GALNT13: variants seen among roughly 807,000 people sequenced by gnomAD.
GALNT13 encodes polypeptide N-acetylgalactosaminyltransferase 13.
In GALNT13, 28 loss-of-function variants were observed where a neutral mutation model predicts 64.2. The ratio of observed to expected loss-of-function variants is 0.44; its 90% CI spans 0.32 to 0.60. The LOEUF (loss-of-function observed/expected upper bound fraction) is 0.60. Among genes scored for constraint, GALNT13 ranks in the 20% least tolerant of loss-of-function variants. The pLI is 0.05. For missense variants in GALNT13, 577 were observed against 669.8 expected (o/e 0.86, Z 1.53); for synonymous variants, 214 against 224.6 (o/e 0.95, Z 0.42).
chr2:154,108,909 G>A (rs1053446480), intron 3 of GALNT13, among the ~76,000 whole-genome samples: 2 of 151,980 alleles, frequency 1.3e-5, no homozygotes, highest in African/African-American at 4.8e-5. Flanking sequence ...ACGTGTGTGG[G>A]TTCATTTCTG....
the GALNT13 span, among the ~76,000 whole-genome samples, chr2:153,629,715 A>G: frequency 6.6e-6 from 1 of 151,676 alleles, no homozygotes; most frequent in Non-Finnish European, 1.5e-5. Flanking sequence ...CAGACAACCT[A>G]CAGAATGGGA....
At chr2:153,178,602 A>C in the GALNT13 span, among the ~76,000 whole-genome samples, 1 of 151,920 alleles carries the variant, frequency 6.6e-6, no homozygotes, top group Non-Finnish European at 1.5e-5. Flanking sequence ...TATATTGTGG[A>C]TATTAGCCCT....
chr2:153,254,652 G>C, the GALNT13 span, among the ~76,000 whole-genome samples: 10 of 152,134 alleles, frequency 6.6e-5, no homozygotes, highest in Non-Finnish European at 1.2e-4. Flanking sequence ...GTGTCCCAGA[G>C]ATTCTGGTAT....
At chr2:153,992,249 G>A (rs1393214664) in intron 3 of GALNT13, among the ~76,000 whole-genome samples, 1 of 152,136 alleles carries the variant, frequency 6.6e-6, no homozygotes, top group Non-Finnish European at 1.5e-5. Context: ...AAATGCAATG[G>A]TAATTAATAG....
chr2:153,326,939 C>T, the GALNT13 span, among the ~76,000 whole-genome samples: 1 of 151,976 alleles, frequency 6.6e-6, no homozygotes, highest in Non-Finnish European at 1.5e-5. Context: ...CGAAAATTAG[C>T]TGGGTGTGGT....
At chr2:154,308,931 A>T (rs745845788) in intron 9 of GALNT13, among the ~76,000 whole-genome samples, 1 of 152,156 alleles carries the variant, frequency 6.6e-6, no homozygotes, top group Non-Finnish European at 1.5e-5. Context: ...TTAGGTCAAC[A>T]TTTATTATTG....
chr2:153,345,398 A>G, the GALNT13 span, among the ~76,000 whole-genome samples: 1 of 152,136 alleles, frequency 6.6e-6, no homozygotes, highest in South Asian at 2.1e-4. Flanking sequence ...CTGCAGGAGA[A>G]TGTCTTGCCT....
the GALNT13 span, among the ~76,000 whole-genome samples, chr2:153,661,646 A>G: frequency 6.6e-6 from 1 of 152,164 alleles, no homozygotes; most frequent in Non-Finnish European, 1.5e-5. Context: ...TATAATGCAT[A>G]ATTTATATCT....
the GALNT13 span, among the ~76,000 whole-genome samples, chr2:153,541,172 T>G: frequency 6.6e-6 from 1 of 152,136 alleles, no homozygotes; most frequent in Non-Finnish European, 1.5e-5. Flanking sequence ...CACCCTGTTA[T>G]CATGATAGAG....
intron 2 of GALNT13, among the ~76,000 whole-genome samples, chr2:153,929,503 C>G (rs1690364550): frequency 6.6e-6 from 1 of 152,114 alleles, no homozygotes; most frequent in African/African-American, 2.4e-5. Flanking sequence ...TCCTCATACC[C>G]TCCACCTTCA....
the GALNT13 span, among the ~76,000 whole-genome samples, chr2:153,564,126 C>A: frequency 2.0e-5 from 3 of 152,230 alleles, no homozygotes; most frequent in African/African-American, 7.2e-5. Flanking sequence ...ACACCACCAA[C>A]TTCTATTCTC....
the GALNT13 span, among the ~76,000 whole-genome samples, chr2:153,778,789 G>A: frequency 1.3e-5 from 2 of 152,182 alleles, no homozygotes; most frequent in Admixed American, 1.3e-4. Flanking sequence ...TGTTACATGG[G>A]TATATTGTGT....
At chr2:154,028,633 A>AT (rs1470326162) in intron 3 of GALNT13, among the ~76,000 whole-genome samples, 1 of 152,026 alleles carries the variant, frequency 6.6e-6, no homozygotes. Flanking sequence ...AAGTATATAA[A>AT]TTTTTTAATT....
At chr2:153,746,681 A>C in the GALNT13 span, among the ~76,000 whole-genome samples, 1 of 152,180 alleles carries the variant, frequency 6.6e-6, no homozygotes, top group African/African-American at 2.4e-5. Flanking sequence ...ACTTATGTTA[A>C]ATTTTAGTGG....
the GALNT13 span, among the ~76,000 whole-genome samples, chr2:153,597,853 T>C: frequency 6.6e-6 from 1 of 152,048 alleles, no homozygotes; most frequent in Admixed American, 6.6e-5. Flanking sequence ...TAACACATTA[T>C]TCATTAGGGA....
chr2:154,421,076 T>TA (rs1700229047), intron 11 of GALNT13, among the ~76,000 whole-genome samples: 2 of 152,090 alleles, frequency 1.3e-5, no homozygotes. Context: ...CAAGATGACA[T>TA]AAAACTATAC....
intron 3 of GALNT13, among the ~76,000 whole-genome samples, chr2:153,967,706 A>G (rs1693467141): frequency 6.6e-6 from 1 of 152,002 alleles, no homozygotes; most frequent in Non-Finnish European, 1.5e-5. Context: ...TGCCTTCCAG[A>G]GCAGCACAAT....
At chr2:153,885,921 T>A (rs915321099) in intron 1 of GALNT13, among the ~76,000 whole-genome samples, 2 of 152,084 alleles carry the variant, frequency 1.3e-5, no homozygotes, top group African/African-American at 4.8e-5. Flanking sequence ...TATATGTTCA[T>A]GCTTTAGCAT....
chr2:153,820,093 T>G, the GALNT13 span, among the ~76,000 whole-genome samples: 1 of 152,200 alleles, frequency 6.6e-6, no homozygotes, highest in Admixed American at 6.5e-5. Context: ...AAAAACTCAC[T>G]TAAGGAATTT....
Sources: gnomAD v4.1 joint callset for allele counts (sites outside exome capture counted in the v4.1 genomes callset) on GRCh38, gnomAD v4.1.1 for gene constraint, MANE v1.5 for transcripts, NCBI Gene and HGNC (gene_info 2026-07-23, HGNC 2026-07-21) for gene names.